The following NT5C2 variants were observed in gnomAD, a reference collection of about 807,000 sequenced individuals.
The protein encoded by NT5C2 is cytosolic purine 5'-nucleotidase.
A neutral mutation model predicts 76.1 loss-of-function variants in NT5C2; 58 were observed. The observed-to-expected ratio is 0.76, with a 90% CI of 0.62 to 0.95. NT5C2 has a LOEUF of 0.95. Among genes scored for constraint, NT5C2 ranks in the 40% least tolerant of loss-of-function variants. NT5C2 has a pLI of 0.00. For missense variants in NT5C2, 478 were observed against 690.3 expected, an observed-to-expected ratio of 0.69 and a Z score of 3.45; for synonymous variants, 229 against 237.4, an observed-to-expected ratio of 0.96 and a Z score of 0.32.
intron 4 of NT5C2, among the ~76,000 whole-genome samples, chr10:103,135,501 T>A (rs1375576503): frequency 6.6e-6 from 1 of 152,064 alleles, no homozygotes; most frequent in Non-Finnish European, 1.5e-5. Context: ...CTGGTTGGGC[T>A]CGGTGGCTCA....
intron 2 of NT5C2, among the ~76,000 whole-genome samples, chr10:103,176,970 T>C (rs956647225): frequency 6.6e-6 from 1 of 152,140 alleles, no homozygotes; most frequent in Non-Finnish European, 1.5e-5. Flanking sequence ...TATAAAACTT[T>C]TAATGGCCAA....
intron 4 of NT5C2, among the ~76,000 whole-genome samples, chr10:103,138,606 C>A (rs1056309554): frequency 6.6e-5 from 10 of 152,208 alleles, no homozygotes; most frequent in Non-Finnish European, 1.3e-4. Flanking sequence ...GCAAAAGGCA[C>A]AAACTCATTC....
At chr10:103,111,459 GC>G (rs2073011348) in intron 4 of NT5C2, among the ~76,000 whole-genome samples, 1 of 152,142 alleles carries the variant, frequency 6.6e-6, no homozygotes, top group African/African-American at 2.4e-5. Flanking sequence ...TCCATAATCT[GC>G]AAGGAAAAAA....
At chr10:103,116,972 T>C (rs921878470) in intron 4 of NT5C2, among the ~76,000 whole-genome samples, 1 of 152,206 alleles carries the variant, frequency 6.6e-6, no homozygotes, top group Non-Finnish European at 1.5e-5. Context: ...ATAGTACTGG[T>C]ATTATTATTA....
At chr10:103,145,030 A>G (rs1384169391) in intron 3 of NT5C2, among the ~76,000 whole-genome samples, 1 of 152,186 alleles carries the variant, frequency 6.6e-6, no homozygotes, top group Non-Finnish European at 1.5e-5. Flanking sequence ...AATCTAGGCT[A>G]CAAAACATGA....
intron 5 of NT5C2, 70 bp downstream of exon 5, chr10:103,106,519 A>C (rs548187922): frequency 1.1e-6 from 1 of 918,768 alleles, no homozygotes; most frequent in Admixed American, 1.9e-5. Flanking sequence ...TAAATCTGGA[A>C]TGTCTAATTT....
At chr10:103,142,774 G>A (rs2080732700) in intron 3 of NT5C2, among the ~76,000 whole-genome samples, 1 of 152,126 alleles carries the variant, frequency 6.6e-6, no homozygotes, top group Admixed American at 6.5e-5. Context: ...CACGAGGTCA[G>A]GAGTTCAAGA....
At chr10:103,095,728 T>C (rs2068012406) in intron 12 of NT5C2, among the ~76,000 whole-genome samples, 1 of 152,250 alleles carries the variant, frequency 6.6e-6, no homozygotes, top group African/African-American at 2.4e-5. Flanking sequence ...GTCTATTAAG[T>C]ATTCAAGTTG....
chr10:103,170,525 ACTTT>A (rs2087672395), intron 3 of NT5C2, among the ~76,000 whole-genome samples: 2 of 132,908 alleles, frequency 1.5e-5, no homozygotes, highest in Admixed American at 1.6e-4. Context: ...ACACATGCAC[ACTTT>A]TTTTTTTTTT....
chr10:103,183,200 T>A (rs2135302185), intron 1 of NT5C2, among the ~76,000 whole-genome samples: 1 of 149,092 alleles, frequency 6.7e-6, no homozygotes, highest in African/African-American at 2.5e-5. Context: ...AAGTATTTTG[T>A]AACCTTTACT....
intron 4 of NT5C2, among the ~76,000 whole-genome samples, chr10:103,109,222 T>A: frequency 6.6e-6 from 1 of 152,022 alleles, no homozygotes; most frequent in South Asian, 2.1e-4. Flanking sequence ...CCCATCCCCC[T>A]AAAAAAAACT....
chr10:103,181,799 G>A (rs1229491228), intron 1 of NT5C2, among the ~76,000 whole-genome samples: 1 of 152,096 alleles, frequency 6.6e-6, no homozygotes, highest in African/African-American at 2.4e-5. Flanking sequence ...GAGGTCAGGA[G>A]TTCGAGACCA....
At position 103,088,791 on chromosome 10, in the gene NT5C2, T is replaced by C. The variant is rs374535243; in HGVS notation, c.*881A>G. On this transcript the variant is annotated 3_prime_UTR_variant, in exon 19 of 19. Coordinates refer to ENST00000404739, the MANE Select transcript of NT5C2 (RefSeq NM_001351169.2). ...CTTCCCATCCTCTGATGTTCAATTT[T>C]AATATACAGCAATCAACTCTTAGAG... 1.7e-4 allele frequency: 31 copies of C among 184,710 alleles called. No individual in the cohort carries two copies. The East Asian group carries it at 2.1e-3, about 13-fold the overall frequency. 11.4% of individuals were successfully genotyped at this position (184,710 alleles called of 1,614,324 possible).
At chr10:103,174,714 C>T (rs571488152) in intron 3 of NT5C2, 144 bp downstream of exon 3, 9 of 611,988 alleles carry the variant, frequency 1.5e-5, no homozygotes, top group African/African-American at 5.5e-5. Flanking sequence ...TTAAAAGTCT[C>T]GACTTAGAAC....
At chr10:103,134,336 C>A (rs954391799) in intron 4 of NT5C2, among the ~76,000 whole-genome samples, 1 of 152,278 alleles carries the variant, frequency 6.6e-6, no homozygotes, top group South Asian at 2.1e-4. Flanking sequence ...TGCAGTCTGG[C>A]GACTTAGTGC....
chr10:103,099,127 C>T, intron 9 of NT5C2, 143 bp from the exon 10 acceptor site: 1 of 680,330 alleles, frequency 1.5e-6, no homozygotes, highest in South Asian at 1.6e-5. Context: ...TGCTAGAGTG[C>T]AGTGGTACAA....
At chr10:103,163,268 A>G (rs1408840285) in intron 3 of NT5C2, among the ~76,000 whole-genome samples, 1 of 152,152 alleles carries the variant, frequency 6.6e-6, no homozygotes, top group African/African-American at 2.4e-5. Context: ...GTGTGAACCT[A>G]AGTTTTCATT....
chr10:103,151,399 GGT>G, intron 3 of NT5C2, among the ~76,000 whole-genome samples: 1 of 151,680 alleles, frequency 6.6e-6, no homozygotes, highest in East Asian at 1.9e-4. Flanking sequence ...TGGAGGTGGA[GGT>G]TGCGGTGAGC....
Position 103,187,119 on chromosome 10 carries a change from G to A in NT5C2, c.-168-5791C>T, listed in dbSNP as rs765357287. 2.7e-4 allele frequency among the ~76,000 whole-genome samples: 41 copies of A among 151,532 alleles called. 1 individual carries two copies. Among genetic ancestry groups the A allele is most frequent in the Middle Eastern group, 3.5e-3 (1 of 284 alleles). On this transcript the variant is annotated intron_variant, in intron 1 of 18. Transcript: ENST00000404739. ...ACAAAAATTAGCTAGGCATGGTGGC[G>A]CATACCTGTAATCCCAGCTACTAGG... is the stretch of plus-strand genomic sequence containing the variant.
Sources: allele counts gnomAD v4.1 joint callset (sites outside exome capture counted in the v4.1 genomes callset), GRCh38; gene constraint gnomAD v4.1.1; transcripts MANE v1.5; gene names NCBI Gene and HGNC (gene_info 2026-07-23, HGNC 2026-07-21).